TMEM132C: variants seen among roughly 807,000 people sequenced by gnomAD.
TMEM132C encodes transmembrane protein 132C.
TMEM132C carries 29 observed loss-of-function variants against 61.4 expected under a neutral mutation model. The observed-to-expected ratio is 0.47, with a 90% CI of 0.35 to 0.64. TMEM132C has a LOEUF of 0.64. Ranked by LOEUF, TMEM132C falls within the 30% of genes least tolerant of loss-of-function variation. The pLI is 0.00. For missense variants in TMEM132C, 1,408 were observed against 1,476.9 expected, an observed-to-expected ratio of 0.95 and a Z score of 0.76; for synonymous variants, 656 against 633.1, an observed-to-expected ratio of 1.04 and a Z score of -0.54.
intron 1 of TMEM132C, 73 bp from the exon 2 acceptor site, chr12:128,414,659 C>A (rs1220956237): frequency 1.4e-6 from 2 of 1,416,224 alleles, no homozygotes; most frequent in African/African-American, 2.9e-5. Flanking sequence ...GGCTTACAGA[C>A]CTAACAGCTA....
intron 1 of TMEM132C, among the ~76,000 whole-genome samples, chr12:128,347,629 T>C (rs1225238779): frequency 2.0e-5 from 3 of 152,178 alleles, no homozygotes. Context: ...GGTTTCTCCA[T>C]GTTGGTCAGG....
At chr12:128,502,218 C>T (rs527331798) in intron 2 of TMEM132C, among the ~76,000 whole-genome samples, 21 of 152,284 alleles carry the variant, frequency 1.4e-4, no homozygotes, top group African/African-American at 4.8e-4. Context: ...CTGCCCTGCT[C>T]CCGAGAAACT....
At chr12:128,293,716 T>G (rs1871319087) in intron 1 of TMEM132C, among the ~76,000 whole-genome samples, 1 of 152,128 alleles carries the variant, frequency 6.6e-6, no homozygotes, top group Admixed American at 6.5e-5. Flanking sequence ...CCCAACCTCC[T>G]AAGGTCGAGA....
chr12:128,419,697 C>A (rs148239821), intron 2 of TMEM132C, among the ~76,000 whole-genome samples: 137 of 151,930 alleles, frequency 9.0e-4, no homozygotes, highest in African/African-American at 3.2e-3. Flanking sequence ...CTTTTGATAG[C>A]CCAAATACAA....
At chr12:128,380,492 G>A (rs1874365372) in intron 1 of TMEM132C, among the ~76,000 whole-genome samples, 1 of 152,226 alleles carries the variant, frequency 6.6e-6, no homozygotes, top group African/African-American at 2.4e-5. Flanking sequence ...TATTATTTGA[G>A]CATCCCATCT....
chr12:128,607,902 G>A lies in TMEM132C; in HGVS notation c.1122-8250G>A, dbSNP rs554273441. On this transcript the variant is annotated intron_variant, in intron 3 of 8. Coordinates refer to ENST00000435159, the MANE Select transcript of TMEM132C (RefSeq NM_001136103.3). ...TAATTAAGTGTGAGATTCATACCCA[G>A]GGCATTGACTCCAAAGCTTGTGGTC... Among the ~76,000 whole-genome samples the A allele has an allele frequency of 3.3e-5, 5 of 152,260 alleles. No individual in the cohort carries two copies. The South Asian group carries it at 1.0e-3, about 32-fold the overall frequency.
At chr12:128,579,147 G>C (rs1486617217) in intron 3 of TMEM132C, among the ~76,000 whole-genome samples, 1 of 152,140 alleles carries the variant, frequency 6.6e-6, no homozygotes, top group Non-Finnish European at 1.5e-5. Flanking sequence ...TTATAGCCTG[G>C]GGGCGAGCAC....
intron 4 of TMEM132C, among the ~76,000 whole-genome samples, chr12:128,622,358 AAAATATATAT>A (rs1953974074): frequency 4.1e-5 from 2 of 48,290 alleles, no homozygotes; most frequent in Non-Finnish European, 7.4e-5. Context: ...AAAAAAAAAA[AAAATATATAT>A]ATATATATAT....
intron 3 of TMEM132C, among the ~76,000 whole-genome samples, chr12:128,577,972 CTAT>C (rs974840138): frequency 3.0e-4 from 45 of 152,236 alleles, no homozygotes; most frequent in African/African-American, 1.1e-3. Context: ...TTAGTACATA[CTAT>C]TATTATTTAG....
chr12:128,543,284 T>C (rs1258647183), intron 2 of TMEM132C, among the ~76,000 whole-genome samples: 1 of 152,190 alleles, frequency 6.6e-6, no homozygotes, highest in African/African-American at 2.4e-5. Context: ...TCTAATCTCT[T>C]TACATCTATT....
chr12:128,677,020 C>T (rs1236599213), intron 5 of TMEM132C, among the ~76,000 whole-genome samples: 1 of 152,230 alleles, frequency 6.6e-6, no homozygotes, highest in African/African-American at 2.4e-5. Flanking sequence ...AGGGCCATGA[C>T]TTGCCCAACA....
At chr12:128,645,911 G>A (rs1303781982) in intron 4 of TMEM132C, among the ~76,000 whole-genome samples, 1 of 152,236 alleles carries the variant, frequency 6.6e-6, no homozygotes, top group African/African-American at 2.4e-5. Flanking sequence ...GGATGTGAGT[G>A]TGTTTACTGG....
intron 1 of TMEM132C, among the ~76,000 whole-genome samples, chr12:128,318,657 A>G (rs1246731607): frequency 6.6e-6 from 1 of 152,202 alleles, no homozygotes; most frequent in Non-Finnish European, 1.5e-5. Context: ...TTTTTTACTA[A>G]ACTTTAAATA....
chr12:128,543,480 G>C (rs1055809098), intron 2 of TMEM132C, among the ~76,000 whole-genome samples: 1 of 152,102 alleles, frequency 6.6e-6, no homozygotes, highest in Non-Finnish European at 1.5e-5. Flanking sequence ...GGCTCTGTGT[G>C]GTGGGGCTTT....
intron 1 of TMEM132C, among the ~76,000 whole-genome samples, chr12:128,396,424 C>T (rs1874958903): frequency 6.6e-6 from 1 of 151,970 alleles, no homozygotes; most frequent in African/African-American, 2.4e-5. Context: ...ATTACAAATG[C>T]TCGCATGCAT....
intron 1 of TMEM132C, among the ~76,000 whole-genome samples, chr12:128,330,633 C>T (rs1344348381): frequency 6.6e-6 from 1 of 152,206 alleles, no homozygotes; most frequent in Non-Finnish European, 1.5e-5. Context: ...AGATCATCTT[C>T]TGACTGCTCC....
chr12:128,702,742 G>A (rs917627551), intron 8 of TMEM132C, among the ~76,000 whole-genome samples: 15 of 152,184 alleles, frequency 9.9e-5, no homozygotes, highest in Non-Finnish European at 1.6e-4. Flanking sequence ...TTTGAGTGGC[G>A]ACATCTCCAT....
intron 2 of TMEM132C, among the ~76,000 whole-genome samples, chr12:128,464,762 C>CAGAAAGAA (rs35359461): frequency 0.012 from 1,488 of 127,828 alleles, 20 homozygotes; most frequent in African/African-American, 0.029. Context: ...AAGACCCTGT[C>CAGAAAGAA]AGAAAGAAAG....
intron 4 of TMEM132C, among the ~76,000 whole-genome samples, chr12:128,651,759 G>A (rs999468533): frequency 3.9e-5 from 6 of 152,126 alleles, no homozygotes; most frequent in African/African-American, 1.4e-4. Context: ...GGATATCTGG[G>A]GCAACAGCAC....
Sources: gnomAD v4.1 joint callset for allele counts (sites outside exome capture counted in the v4.1 genomes callset) on GRCh38, gnomAD v4.1.1 for gene constraint, MANE v1.5 for transcripts, NCBI Gene and HGNC (gene_info 2026-07-23, HGNC 2026-07-21) for gene names.